DTNB: variants seen among roughly 807,000 people sequenced by gnomAD.
DTNB encodes the protein dystrobrevin beta, also known as DTN-B.
Under a neutral mutation model 90.7 loss-of-function variants are expected in DTNB, and 63 were observed. The observed-to-expected ratio is 0.69, with a 90% CI of 0.57 to 0.86. The LOEUF is 0.86. Ranked by LOEUF, DTNB falls within the 40% of genes least tolerant of loss-of-function variation. The pLI is 0.00. For synonymous variants in DTNB, 277 were observed against 286.7 expected (o/e 0.97, Z 0.34); for missense variants, 744 against 807.1 (o/e 0.92, Z 0.95).
intron 1 of DTNB, chr2:25,653,127 G>A (rs1366276410): frequency 1.3e-5 from 2 of 152,494 alleles, no homozygotes; most frequent in African/African-American, 4.8e-5. Context: ...AAGAAATCAG[G>A]TATTAATCCC....
At chr2:25,515,737 G>A (rs762910434) in intron 9 of DTNB, among the ~76,000 whole-genome samples, 4 of 151,880 alleles carry the variant, frequency 2.6e-5, no homozygotes, top group Non-Finnish European at 5.9e-5. Context: ...CACCATGCCC[G>A]GCTAATTTTT....
chr2:25,545,265 T>C (rs185687060), intron 8 of DTNB, among the ~76,000 whole-genome samples: 16 of 152,304 alleles, frequency 1.1e-4, no homozygotes, highest in African/African-American at 3.6e-4. Context: ...CCCAATTTCA[T>C]TTCTTTAACT....
intron 20 of DTNB, among the ~76,000 whole-genome samples, chr2:25,378,058 G>A (rs2036366055): frequency 1.3e-5 from 2 of 152,238 alleles, no homozygotes; most frequent in East Asian, 1.9e-4. Flanking sequence ...AGCTTCTGGT[G>A]TGGGGCATTG....
At chr2:25,534,349 G>A (rs529474157) in intron 8 of DTNB, among the ~76,000 whole-genome samples, 4 of 152,320 alleles carry the variant, frequency 2.6e-5, no homozygotes, top group African/African-American at 9.6e-5. Flanking sequence ...GCATCCCAAG[G>A]CAGAAGAATT....
At chr2:25,628,508 G>A (rs973116625) in intron 3 of DTNB, 124 bp from the exon 4 acceptor site, 1 of 897,856 alleles carries the variant, frequency 1.1e-6, no homozygotes, top group Non-Finnish European at 1.6e-6. Context: ...AGCCAACAAT[G>A]AGGAAAACAT....
chr2:25,437,544 G>A (rs2056237246), intron 12 of DTNB, among the ~76,000 whole-genome samples: 1 of 152,086 alleles, frequency 6.6e-6, no homozygotes, highest in Admixed American at 6.6e-5. Context: ...TTACAGGCAT[G>A]AGCCACCGCA....
intron 10 of DTNB, among the ~76,000 whole-genome samples, chr2:25,461,356 C>T (rs1055517112): frequency 6.6e-6 from 1 of 152,038 alleles, no homozygotes; most frequent in African/African-American, 2.4e-5. Flanking sequence ...TAATGTTCTT[C>T]CCCCATTCAA....
chr2:25,476,064 AAT>A (rs1052964962), intron 10 of DTNB, among the ~76,000 whole-genome samples: 2 of 111,734 alleles, frequency 1.8e-5, no homozygotes, highest in African/African-American at 8.3e-5. Context: ...ATCAAGAAGT[AAT>A]TTTTTTTTTT....
intron 10 of DTNB, among the ~76,000 whole-genome samples, chr2:25,479,361 C>G (rs527765901): frequency 1.3e-5 from 2 of 152,254 alleles, no homozygotes; most frequent in East Asian, 3.9e-4. Flanking sequence ...GAGGTCTAGA[C>G]GCGGGCCTCC....
chr2:25,633,150 T>C (rs1363750690), intron 3 of DTNB, among the ~76,000 whole-genome samples: 3 of 151,740 alleles, frequency 2.0e-5, no homozygotes, highest in African/African-American at 4.8e-5. Flanking sequence ...CAATGAAATT[T>C]TAAAATAGCT....
At chr2:25,615,061 C>T (rs1006714858) in intron 4 of DTNB, among the ~76,000 whole-genome samples, 14 of 152,184 alleles carry the variant, frequency 9.2e-5, no homozygotes, top group African/African-American at 3.4e-4. Flanking sequence ...TTCCCATGAC[C>T]CTTCCTTGGA....
At position 25,440,972 on chromosome 2, in the gene DTNB, C is replaced by T. The variant is rs145515329; in HGVS notation, c.1258-6977G>A. ...TCACCTACAGGCCTACCTTTCCCCT[C>T]TCTTTGCTTCAACCCAGAAGACCTC... is the stretch of plus-strand genomic sequence containing the variant. On this transcript the variant is annotated intron_variant, in intron 12 of 20. Transcript: ENST00000406818. Among the ~76,000 whole-genome samples, 657 of 152,312 alleles carry T rather than the reference C, an allele frequency of 4.3e-3. 3 individuals are homozygous for T. The highest frequency in any genetic ancestry group is 7.4e-3 in the Non-Finnish European group (501 of 68,028).
intron 4 of DTNB, among the ~76,000 whole-genome samples, chr2:25,612,520 G>A (rs1374210847): frequency 2.0e-5 from 3 of 151,666 alleles, no homozygotes; most frequent in African/African-American, 4.8e-5. Flanking sequence ...TAAGACACTA[G>A]AAAAAGAACA....
chr2:25,395,409 T>G (rs1048304204), intron 16 of DTNB, among the ~76,000 whole-genome samples: 1 of 151,878 alleles, frequency 6.6e-6, no homozygotes, highest in Non-Finnish European at 1.5e-5. Flanking sequence ...AAAGTTTATG[T>G]ATCACATAAT....
chr2:25,432,997 T>C lies in DTNB; in HGVS notation c.1346A>G (p.Glu449Gly). 1 of 1,603,264 alleles carries C rather than the reference T, an allele frequency of 6.2e-7. No individual in the cohort carries two copies. Among genetic ancestry groups the C allele is most frequent in the East Asian group, 2.2e-5 (1 of 44,726 alleles). ...LIAELENKNREILQEIQRLRL... is the reference protein window; with the variant it reads ...LIAELENKNRGILQEIQRLRL... ...GAGACGCTGAATCTCCTGCAGGATC[T>C]CTCTAGAGAGGATGGGTGAACGGAA... is the stretch of plus-strand genomic sequence containing the variant. Residue 449 changes from glutamate to glycine, a missense_variant and splice_region_variant, in exon 14 of 21, where the codon GAG (glutamate) becomes GGG (glycine). Transcript: ENST00000406818.
At chr2:25,465,592 T>G (rs2061645948) in intron 10 of DTNB, among the ~76,000 whole-genome samples, 1 of 152,186 alleles carries the variant, frequency 6.6e-6, no homozygotes, top group South Asian at 2.1e-4. Context: ...TCACCGCGCT[T>G]CAGCCGTGCT....
intron 6 of DTNB, among the ~76,000 whole-genome samples, chr2:25,583,629 C>A (rs2061900466): frequency 6.6e-6 from 1 of 151,924 alleles, no homozygotes; most frequent in Non-Finnish European, 1.5e-5. Context: ...TCAAGCAATT[C>A]TTCTGCCTCA....
chr2:25,618,447 A>G (rs2071436010), intron 4 of DTNB, among the ~76,000 whole-genome samples: 1 of 152,182 alleles, frequency 6.6e-6, no homozygotes, highest in Admixed American at 6.5e-5. Context: ...GTCCTCACCA[A>G]TGTCCATGTT....
At chr2:25,404,191 T>C (rs1487428679) in intron 16 of DTNB, among the ~76,000 whole-genome samples, 2 of 152,246 alleles carry the variant, frequency 1.3e-5, no homozygotes, top group South Asian at 2.1e-4. Context: ...AGCAGGCCTA[T>C]CCCGAGGGAG....
Sources: allele counts gnomAD v4.1 joint callset (sites outside exome capture counted in the v4.1 genomes callset), GRCh38; gene constraint gnomAD v4.1.1; transcripts MANE v1.5; gene names NCBI Gene and HGNC (gene_info 2026-07-23, HGNC 2026-07-21).